Variants in PLOD2 observed in about 807,000 individuals in gnomAD.
PLOD2 encodes procollagen-lysine,2-oxoglutarate 5-dioxygenase 2, also known as lysine hydroxylase 2.
In PLOD2, 65 loss-of-function variants were observed where a neutral mutation model predicts 101.0. The ratio of observed to expected loss-of-function variants is 0.64; its 90% confidence interval spans 0.53 to 0.79. PLOD2 has a LOEUF of 0.79. PLOD2 is among the 30% of genes least tolerant of loss of function. PLOD2 has a pLI of 0.00. For synonymous variants in PLOD2, 314 were observed against 302.9 expected (o/e 1.04, Z -0.38); for missense variants, 909 against 914.6 (o/e 0.99, Z 0.08).
At chr3:146,129,579 T>C (rs2030784841) in intron 1 of PLOD2, among the ~76,000 whole-genome samples, 1 of 152,102 alleles carries the variant, frequency 6.6e-6, no homozygotes, top group East Asian at 1.9e-4. Flanking sequence ...TAAAATGAGT[T>C]AGTATATATA....
chr3:146,070,749 T>TAAAAATAAA lies in PLOD2; in HGVS notation c.2244_2245insTTTATTTTT (p.Thr748_Arg749insPheIlePhe). The TAAAAATAAA allele has an allele frequency of 6.2e-7, 1 of 1,607,886 alleles. No homozygotes were observed. The highest frequency in any genetic ancestry group is 8.5e-7 in the Non-Finnish European group (1 of 1,175,056). On this transcript the variant is annotated inframe_insertion, in exon 20 of 20. Coordinates refer to ENST00000282903, the MANE Select transcript of PLOD2 (RefSeq NM_182943.3). ...TCTATAAATGACACTGCAATGTATC[T>TAAAAATAAA]TGTTCCATTTTTAACAGGAAGTCCT... is the stretch of plus-strand genomic sequence containing the variant.
intron 15 of PLOD2, 181 bp downstream of exon 15, chr3:146,076,601 T>C (rs1206699251): frequency 4.4e-6 from 2 of 455,820 alleles, no homozygotes; most frequent in Non-Finnish European, 7.9e-6. Flanking sequence ...ATCTGTTGTT[T>C]TTGACTTTTT....
intron 5 of PLOD2, chr3:146,105,278 T>G (rs1937516960): frequency 6.6e-6 from 1 of 152,242 alleles, no homozygotes; most frequent in African/African-American, 2.4e-5. Flanking sequence ...AGCCTGTGTC[T>G]ATAGCACAGT....
At chr3:146,137,046 A>C (rs1009450466) in intron 1 of PLOD2, among the ~76,000 whole-genome samples, 6 of 152,174 alleles carry the variant, frequency 3.9e-5, no homozygotes, top group African/African-American at 1.2e-4. Context: ...TTCCATTCTG[A>C]ATTACCAAAC....
intron 1 of PLOD2, among the ~76,000 whole-genome samples, chr3:146,152,753 A>G (rs1319517041): frequency 3.9e-5 from 6 of 152,162 alleles, no homozygotes; most frequent in Admixed American, 2.6e-4. Flanking sequence ...TTTTATATAT[A>G]CATTATTTTC....
intron 14 of PLOD2, chr3:146,077,178 T>G: frequency 9.6e-7 from 1 of 1,044,452 alleles, no homozygotes; most frequent in South Asian, 3.9e-5. Flanking sequence ...GATGTAGACA[T>G]CGGGGAAAAA....
In PLOD2 at chr3:146,081,822, C is replaced by T; in HGVS notation, c.1274G>A (p.Trp425Ter). 6.2e-7 allele frequency: 1 copy of T among 1,612,460 alleles called. No homozygotes were observed. The highest frequency in any genetic ancestry group is 8.5e-7 in the Non-Finnish European group (1 of 1,178,708). Reference protein sequence around the residue: ...APLVTRHGKLWSNFWGALSPD... With the variant: ...APLVTRHGKL ...ACTCAATGCTCCCCAGAAATTGGAC[C>T]ACAGCTTTCCATGACGAGTTACAAG... Residue 425 changes from tryptophan to a stop codon, truncating the protein, a stop_gained, in exon 12 of 20, where the codon TGG (tryptophan) becomes TAG (stop). Transcript: ENST00000282903. LOFTEE classifies it high-confidence loss of function.
chr3:146,074,748 T>C (rs1428950312), intron 15 of PLOD2, among the ~76,000 whole-genome samples: 5 of 151,502 alleles, frequency 3.3e-5, no homozygotes, highest in Admixed American at 1.3e-4. Flanking sequence ...TTTAGGGCAT[T>C]AGTATTCACA....
intron 7 of PLOD2, among the ~76,000 whole-genome samples, chr3:146,097,163 C>G (rs1308226510): frequency 6.6e-6 from 1 of 150,684 alleles, no homozygotes; most frequent in South Asian, 2.1e-4. Context: ...GCCGCCCAGT[C>G]CGGGAGGGAG....
chr3:146,101,485 C>T (rs772642560), intron 7 of PLOD2, among the ~76,000 whole-genome samples: 1 of 152,108 alleles, frequency 6.6e-6, no homozygotes, highest in Non-Finnish European at 1.5e-5. Context: ...TAGGACCAAA[C>T]GAAATCAATG....
chr3:146,078,436 G>T (rs769313801), intron 13 of PLOD2, among the ~76,000 whole-genome samples: 1 of 151,652 alleles, frequency 6.6e-6, no homozygotes, highest in Non-Finnish European at 1.5e-5. Context: ...TTTGGAAATC[G>T]GAAATAAAAT....
chr3:146,106,122 C>G (rs572357543), intron 5 of PLOD2, among the ~76,000 whole-genome samples: 5 of 152,290 alleles, frequency 3.3e-5, no homozygotes, highest in Admixed American at 3.3e-4. Flanking sequence ...GTAACCTATT[C>G]TGTTATTTTA....
chr3:146,095,294 G>A (rs1937110255), intron 7 of PLOD2, among the ~76,000 whole-genome samples: 1 of 150,520 alleles, frequency 6.6e-6, no homozygotes, highest in Non-Finnish European at 1.5e-5. Context: ...CTACAGAATG[G>A]GAAAAAAATT....
intron 3 of PLOD2, among the ~76,000 whole-genome samples, chr3:146,111,342 C>T (rs1316127978): frequency 6.6e-6 from 1 of 152,168 alleles, no homozygotes; most frequent in Non-Finnish European, 1.5e-5. Flanking sequence ...TCACAGCATA[C>T]AATTTGAAGT....
rs551045450 is a variant in PLOD2 at position 146,138,896 on chromosome 3, C to G, written c.110-14667G>C. Among the ~76,000 whole-genome samples the G allele has an allele frequency of 6.6e-5, 10 of 152,066 alleles. No homozygotes were observed. The East Asian group carries it at 1.9e-3, about 29-fold the overall frequency. On this transcript the variant is annotated intron_variant, in intron 1 of 19. Coordinates refer to ENST00000282903, the MANE Select transcript of PLOD2 (RefSeq NM_182943.3). ...CAATATTACATTTAACTGTGTTGCC[C>G]AACTTTAAATATATGGTAAGTGGCA... is the stretch of plus-strand genomic sequence containing the variant.
chr3:146,073,302 T>C lies in PLOD2; in HGVS notation c.1728A>G (p.Glu576=). 8.0e-7 allele frequency: 1 copy of C among 1,242,992 alleles called. No individual in the cohort carries two copies. Among genetic ancestry groups the C allele is most frequent in the Non-Finnish European group, 1.2e-6 (1 of 865,150 alleles). 77.0% of individuals were successfully genotyped at this position (1,242,992 alleles called of 1,614,324 possible). ...TAATACAAACCTGTTCAACTATATT[T>C]TCAGTGAAAATCTTTGAATAATCAC... The part of the protein sequence containing the change: ...INRDYSKIFT[E]NIVEQPCPDV... Residue 576 remains glutamate (E), a synonymous_variant, in exon 16 of 20, where the codon GAA becomes GAG. Coordinates refer to ENST00000282903, the MANE Select transcript of PLOD2 (RefSeq NM_182943.3).
At chr3:146,108,772 A>T (rs1436596597) in intron 4 of PLOD2, among the ~76,000 whole-genome samples, 1 of 152,110 alleles carries the variant, frequency 6.6e-6, no homozygotes, top group Non-Finnish European at 1.5e-5. Context: ...CTGAAACCTA[A>T]CCACCTGAGT....
chr3:146,119,445 C>CA (rs1938079011), intron 3 of PLOD2, among the ~76,000 whole-genome samples: 1 of 150,972 alleles, frequency 6.6e-6, no homozygotes, highest in Non-Finnish European at 1.5e-5. Context: ...ACTTTTGCCT[C>CA]TTTTTTTTTA....
At chr3:146,089,138 T>C (rs530871883) in intron 8 of PLOD2, among the ~76,000 whole-genome samples, 1 of 151,644 alleles carries the variant, frequency 6.6e-6, no homozygotes, top group South Asian at 2.1e-4. Flanking sequence ...GGCTTAATTT[T>C]GAGCACATAA....
Sources: gnomAD v4.1 joint callset for allele counts (sites outside exome capture counted in the v4.1 genomes callset) on GRCh38, gnomAD v4.1.1 for gene constraint, MANE v1.5 for transcripts, NCBI Gene and HGNC (gene_info 2026-07-23, HGNC 2026-07-21) for gene names.